The following HLCS variants were observed in gnomAD, a reference collection of about 807,000 sequenced individuals.
The protein encoded by HLCS is biotin--protein ligase.
Under a neutral mutation model 75.0 loss-of-function variants are expected in HLCS, and 53 were observed. The ratio of observed to expected loss-of-function variants is 0.71; its 90% CI spans 0.57 to 0.89. The LOEUF is 0.89. Ranked by LOEUF, HLCS falls within the 40% of genes least tolerant of loss-of-function variation. The pLI, the probability that HLCS is intolerant of heterozygous loss-of-function variation, is 0.00. For synonymous variants in HLCS, 431 were observed against 428.6 expected (o/e 1.01, Z -0.07); for missense variants, 966 against 1,074.0 (o/e 0.90, Z 1.41).
intron 6 of HLCS, among the ~76,000 whole-genome samples, chr21:36,845,502 T>C (rs1277602831): frequency 6.6e-6 from 1 of 152,154 alleles, no homozygotes; most frequent in Non-Finnish European, 1.5e-5. Context: ...ACTATCCCTC[T>C]TCTAAGTAGG....
intron 5 of HLCS, among the ~76,000 whole-genome samples, chr21:36,902,832 T>G (rs1262440128): frequency 6.6e-6 from 1 of 152,046 alleles, no homozygotes; most frequent in East Asian, 1.9e-4. Flanking sequence ...GAAGTCCGCA[T>G]GATTTTGTGT....
intron 6 of HLCS, among the ~76,000 whole-genome samples, chr21:36,882,012 G>A (rs2064240398): frequency 6.6e-6 from 1 of 151,772 alleles, no homozygotes; most frequent in South Asian, 2.1e-4. Context: ...GCCGGGCATG[G>A]TGGCTCACGC....
intron 6 of HLCS, among the ~76,000 whole-genome samples, chr21:36,813,884 A>C (rs993494745): frequency 4.6e-5 from 7 of 152,216 alleles, no homozygotes; most frequent in African/African-American, 1.7e-4. Context: ...AAAACTTAAT[A>C]GTCAAATCTG....
intron 6 of HLCS, among the ~76,000 whole-genome samples, chr21:36,828,468 T>G (rs1465357512): frequency 1.3e-5 from 2 of 152,160 alleles, no homozygotes; most frequent in Non-Finnish European, 2.9e-5. Context: ...GTTAATAAGG[T>G]GCTGAACAAA....
Position 36,838,682 on chromosome 21 carries a change from C to T in HLCS, c.1892+58178G>A, listed in dbSNP as rs1464758910. On this transcript the variant is annotated intron_variant, in intron 6 of 10. Transcript: ENST00000674895. Reference sequence around the variant, plus strand: ...TCACGCCACTGCACTCCAGCCTGGGCGACAGAGCGAGACTCCGTCTCAAAA... The same window carrying T: ...TCACGCCACTGCACTCCAGCCTGGGTGACAGAGCGAGACTCCGTCTCAAAA... Among the ~76,000 whole-genome samples the T allele has an allele frequency of 3.4e-5, 5 of 145,380 alleles. No individual in the cohort carries two copies. The East Asian group carries it at 8.1e-4, about 23-fold the overall frequency.
intron 6 of HLCS, among the ~76,000 whole-genome samples, chr21:36,853,210 C>T (rs1311534199): frequency 4.6e-5 from 7 of 152,158 alleles, no homozygotes; most frequent in Non-Finnish European, 1.0e-4. Context: ...CCTCACTCTC[C>T]CATATGTGCT....
intron 6 of HLCS, among the ~76,000 whole-genome samples, chr21:36,811,907 G>C (rs1374811274): frequency 6.6e-6 from 1 of 152,198 alleles, no homozygotes; most frequent in Non-Finnish European, 1.5e-5. Flanking sequence ...ATCAGGGAGA[G>C]ACACTGTGTC....
intron 6 of HLCS, among the ~76,000 whole-genome samples, chr21:36,799,624 G>T (rs942346181): frequency 6.6e-6 from 1 of 152,162 alleles, no homozygotes; most frequent in Non-Finnish European, 1.5e-5. Flanking sequence ...ACATAGAGAA[G>T]GGAAGGGGCT....
At chr21:36,759,677 T>C in intron 9 of HLCS, 50 bp downstream of exon 9, 2 of 1,067,570 alleles carry the variant, frequency 1.9e-6, no homozygotes, top group South Asian at 1.2e-5. Flanking sequence ...TCTTTATTTT[T>C]ATTGTTTTAT....
At chr21:36,855,027 A>G (rs963467393) in intron 6 of HLCS, among the ~76,000 whole-genome samples, 8 of 152,052 alleles carry the variant, frequency 5.3e-5, no homozygotes, top group Admixed American at 4.6e-4. Context: ...CTCAGGCTAC[A>G]CTATTCATAG....
At chr21:36,978,709 G>A (rs1569272648) in intron 1 of HLCS, among the ~76,000 whole-genome samples, 3 of 152,110 alleles carry the variant, frequency 2.0e-5, no homozygotes, top group Non-Finnish European at 4.4e-5. Flanking sequence ...GAAGGGTCGG[G>A]AGACCCTTAA....
chr21:36,888,487 TATATATA>T lies in HLCS; in HGVS notation c.1892+8366_1892+8372del, dbSNP rs1569150117. Among the ~76,000 whole-genome samples the T allele has an allele frequency of 2.6e-4, 32 of 122,588 alleles. 2 individuals are homozygous for T. Among genetic ancestry groups the T allele is most frequent in the African/African-American group, 3.9e-4 (12 of 30,918 alleles). The allele number at this position is 122,588 out of a possible 152,430, so 80.4% of individuals were successfully genotyped here. On this transcript the variant is annotated intron_variant, in intron 6 of 10. Coordinates refer to ENST00000674895, the MANE Select transcript of HLCS (RefSeq NM_001352514.2). ...ATATATATATATATATATATATATA[TATATATA>T]TATTTATTTATTTATTTTATGGGAT...
At position 36,918,880 on chromosome 21, in the gene HLCS, G is replaced by A. The variant is rs189683408; in HGVS notation, c.1620+11371C>T. Among the ~76,000 whole-genome samples the A allele has an allele frequency of 2.5e-4, 38 of 152,266 alleles. No homozygotes were observed. The East Asian group carries it at 6.9e-3, about 28-fold the overall frequency. On this transcript the variant is annotated intron_variant, in intron 5 of 10. Coordinates refer to ENST00000674895, the MANE Select transcript of HLCS (RefSeq NM_001352514.2). Reference sequence around the variant, plus strand: ...ACATTTGTTTTGCAACAGGACCAACGTGCTCATCATACACATGTGCTTATT... The same window carrying A: ...ACATTTGTTTTGCAACAGGACCAACATGCTCATCATACACATGTGCTTATT...
chr21:36,867,216 C>G (rs1408965067), intron 6 of HLCS, among the ~76,000 whole-genome samples: 1 of 152,116 alleles, frequency 6.6e-6, no homozygotes, highest in East Asian at 1.9e-4. Context: ...CATTGGTTCT[C>G]AGAGAAAAAC....
chr21:36,825,030 T>C (rs758181337), intron 6 of HLCS, among the ~76,000 whole-genome samples: 2 of 152,324 alleles, frequency 1.3e-5, no homozygotes, highest in Non-Finnish European at 2.9e-5. Flanking sequence ...ATGTTCAATG[T>C]AGCTTCAGAA....
chr21:36,893,708 C>A (rs2064889273), intron 6 of HLCS, among the ~76,000 whole-genome samples: 1 of 152,212 alleles, frequency 6.6e-6, no homozygotes, highest in Admixed American at 6.5e-5. Flanking sequence ...AATGCTGCCG[C>A]TGATCTGACA....
intron 9 of HLCS, among the ~76,000 whole-genome samples, chr21:36,757,940 A>T (rs1324993294): frequency 6.6e-6 from 1 of 152,114 alleles, no homozygotes; most frequent in Admixed American, 6.5e-5. Flanking sequence ...AGCAACACTC[A>T]CTACTGGCCA....
intron 1 of HLCS, 127 bp from the exon 2 acceptor site, chr21:36,962,297 C>G (rs1219456076): frequency 1.8e-6 from 1 of 564,458 alleles, no homozygotes; most frequent in Non-Finnish European, 2.7e-6. Context: ...TTATCTGATG[C>G]TCCTCTGCAG....
intron 2 of HLCS, among the ~76,000 whole-genome samples, chr21:36,953,624 A>G (rs1207985457): frequency 1.3e-5 from 2 of 152,204 alleles, no homozygotes; most frequent in Non-Finnish European, 2.9e-5. Flanking sequence ...CCATAAAGAC[A>G]TATAATTAAC....
Sources: gnomAD v4.1 joint callset for allele counts (sites outside exome capture counted in the v4.1 genomes callset) on GRCh38, gnomAD v4.1.1 for gene constraint, MANE v1.5 for transcripts, NCBI Gene and HGNC (gene_info 2026-07-23, HGNC 2026-07-21) for gene names.